Variants in GABRB2 observed in about 807,000 individuals in gnomAD.
GABRB2 encodes gamma-aminobutyric acid type A receptor subunit beta2.
Under a neutral mutation model 54.7 loss-of-function variants are expected in GABRB2, and 16 were observed. That is an observed-to-expected ratio of 0.29 (90% CI 0.20 to 0.44). The LOEUF is 0.44. Ranked by LOEUF, GABRB2 falls within the 20% of genes least tolerant of loss-of-function variation. The pLI is 1.00. For missense variants in GABRB2, 355 were observed against 644.0 expected, an observed-to-expected ratio of 0.55 and a Z score of 4.86; for synonymous variants, 244 against 233.8, an observed-to-expected ratio of 1.04 and a Z score of -0.40.
At chr5:161,427,795 T>C (rs1249606637) in intron 4 of GABRB2, among the ~76,000 whole-genome samples, 1 of 152,192 alleles carries the variant, frequency 6.6e-6, no homozygotes, top group East Asian at 1.9e-4. Flanking sequence ...CAAAATGGTT[T>C]AGGAGTATTC....
chr5:161,475,383 G>A (rs1043716320), intron 3 of GABRB2, among the ~76,000 whole-genome samples: 4 of 151,800 alleles, frequency 2.6e-5, no homozygotes, highest in African/African-American at 9.7e-5. Flanking sequence ...CTTCACTAGT[G>A]AATCTGCCAA....
chr5:161,432,226 C>G (rs1324177251), intron 4 of GABRB2, among the ~76,000 whole-genome samples: 1 of 152,200 alleles, frequency 6.6e-6, no homozygotes, highest in Non-Finnish European at 1.5e-5. Flanking sequence ...GAGTTTGCAA[C>G]CCTGCTCACA....
intron 5 of GABRB2, among the ~76,000 whole-genome samples, chr5:161,349,885 G>A (rs1448713574): frequency 1.3e-5 from 2 of 152,092 alleles, no homozygotes; most frequent in Non-Finnish European, 2.9e-5. Flanking sequence ...GAGAGACCTT[G>A]AGCCAGAATC....
At chr5:161,446,784 T>TAGAC (rs1396953340) in intron 4 of GABRB2, among the ~76,000 whole-genome samples, 1 of 152,140 alleles carries the variant, frequency 6.6e-6, no homozygotes, top group Non-Finnish European at 1.5e-5. Flanking sequence ...CCCTGTGTCT[T>TAGAC]TGACTCCAGA....
chr5:161,516,050 C>T (rs1228798861), intron 3 of GABRB2, among the ~76,000 whole-genome samples: 1 of 150,914 alleles, frequency 6.6e-6, no homozygotes, highest in Non-Finnish European at 1.5e-5. Flanking sequence ...CACTCCTAAG[C>T]CTTGGAGTCT....
intron 3 of GABRB2, among the ~76,000 whole-genome samples, chr5:161,500,151 A>G (rs1392933457): frequency 2.0e-5 from 3 of 152,202 alleles, no homozygotes; most frequent in Non-Finnish European, 4.4e-5. Context: ...AGTCCACTAC[A>G]GAGAATGGCA....
intron 5 of GABRB2, among the ~76,000 whole-genome samples, chr5:161,347,678 T>C (rs1414397399): frequency 6.6e-6 from 1 of 152,118 alleles, no homozygotes; most frequent in Admixed American, 6.6e-5. Flanking sequence ...GATGCATATG[T>C]GAGCCCAGCT....
In GABRB2 at chr5:161,463,551, TTA is replaced by T. The variant is rs1206110160; in HGVS notation, c.238-3709_238-3708del. On this transcript the variant is annotated intron_variant, in intron 3 of 9. Coordinates refer to ENST00000393959, the MANE Select transcript of GABRB2 (RefSeq NM_001371727.1). ...GTTGACAAGGTGATTCCAAATATTT[TTA>T]TTTATATATATATATATATATATAT... Among the ~76,000 whole-genome samples, 175 of 30,244 alleles carry T rather than the reference TTA, an allele frequency of 5.8e-3. 2 individuals are homozygous for T. Among genetic ancestry groups the T allele is most frequent in the African/African-American group, 0.012 (111 of 9,346 alleles). 19.8% of individuals were successfully genotyped at this position (30,244 alleles called of 152,430 possible).
chr5:161,452,230 T>G (rs1295962878), intron 4 of GABRB2, among the ~76,000 whole-genome samples: 3 of 152,162 alleles, frequency 2.0e-5, no homozygotes, highest in African/African-American at 7.2e-5. Flanking sequence ...CTTGAGCAAT[T>G]GAAATATTTT....
intron 5 of GABRB2, among the ~76,000 whole-genome samples, chr5:161,393,655 A>C (rs1353726436): frequency 2.6e-5 from 4 of 152,144 alleles, no homozygotes; most frequent in African/African-American, 9.6e-5. Context: ...ATATTACTAG[A>C]GATAAAAAAG....
chr5:161,467,637 A>C (rs952939498), intron 3 of GABRB2, among the ~76,000 whole-genome samples: 3 of 152,088 alleles, frequency 2.0e-5, no homozygotes, highest in Admixed American at 2.0e-4. Flanking sequence ...CACTTTTCAA[A>C]AATATGACAC....
intron 4 of GABRB2, among the ~76,000 whole-genome samples, chr5:161,449,572 T>TA (rs1417360035): frequency 6.6e-6 from 1 of 152,138 alleles, no homozygotes; most frequent in African/African-American, 2.4e-5. Context: ...AGAGAAAACT[T>TA]AATCATTAAA....
chr5:161,302,540 A>T (rs1757569376), intron 9 of GABRB2, among the ~76,000 whole-genome samples: 1 of 152,170 alleles, frequency 6.6e-6, no homozygotes, highest in Admixed American at 6.5e-5. Context: ...GGGAAATGGG[A>T]CTATCTGAAA....
chr5:161,330,894 C>A lies in GABRB2; in HGVS notation c.1066G>T (p.Asp356Tyr). The change falls in exon 8 of 10, where the codon GAT becomes TAT. Residue 356 changes from aspartate (D) to tyrosine (Y), a missense_variant. Physicochemically the swap from Asp to Tyr is radical, Grantham distance 160. Around this residue, in one of 6 missense-constraint regions of GABRB2, gnomAD observed 201 missense variants for 228.1 expected, o/e 0.88. Transcript: ENST00000393959. Reference protein sequence around the residue: ...ASANNEKMRLDVNKIFYKDIK... With the variant: ...ASANNEKMRLYVNKIFYKDIK... The stretch of plus-strand genomic sequence containing the variant: ...CCCTCTGAATTTACCTTGTTGACAT[C>A]CAGGCGCATCTTCTCATTGTTGGCA... The A allele has an allele frequency of 6.2e-7, 1 of 1,614,206 alleles. No homozygotes were observed. The highest frequency in any genetic ancestry group is 1.1e-5 in the South Asian group (1 of 91,086).
At chr5:161,367,660 A>G (rs57380502) in intron 5 of GABRB2, among the ~76,000 whole-genome samples, 4,602 of 152,278 alleles carry the variant, frequency 0.03, 266 homozygotes, top group African/African-American at 0.1. Context: ...TATATGTTGC[A>G]TCTTCCTCAG....
In GABRB2 at chr5:161,546,555, G is replaced by A. The variant is rs1201621435; in HGVS notation, c.77+12C>T. 2.5e-6 allele frequency: 4 copies of A among 1,591,676 alleles called. No individual in the cohort carries two copies. In the South Asian group the frequency reaches 3.4e-5, roughly 14 times the overall value. ...AGTGAGAACGGAAAAGAGAAACGCT[G>A]GGCACACTTACCTCTGCGCACAGAC... On this transcript the variant is annotated intron_variant, in intron 1 of 9. Coordinates refer to ENST00000393959, the MANE Select transcript of GABRB2 (RefSeq NM_001371727.1).
At chr5:161,395,691 A>C (rs1474177944) in intron 5 of GABRB2, among the ~76,000 whole-genome samples, 1 of 152,128 alleles carries the variant, frequency 6.6e-6, no homozygotes, top group African/African-American at 2.4e-5. Flanking sequence ...TAAGCAAAAA[A>C]GGGAAGAAAA....
At position 161,334,734 on chromosome 5, in the gene GABRB2, A is replaced by G. The variant is rs1753942600; in HGVS notation, c.832+18T>C. 2 of 1,611,656 alleles carry G rather than the reference A, an allele frequency of 1.2e-6. No homozygotes were observed. The highest frequency in any genetic ancestry group is 1.7e-6 in the Non-Finnish European group (2 of 1,178,882). ...ACACACAGAGTCAAAATCCACAAGC[A>G]GTAATAAAATGGCCTACCTAATGCC... is the stretch of plus-strand genomic sequence containing the variant. On this transcript the variant is annotated intron_variant, in intron 7 of 9. Coordinates refer to ENST00000393959, the MANE Select transcript of GABRB2 (RefSeq NM_001371727.1).
At chr5:161,310,094 T>C (rs1244638086) in intron 9 of GABRB2, among the ~76,000 whole-genome samples, 3 of 152,192 alleles carry the variant, frequency 2.0e-5, no homozygotes, top group Non-Finnish European at 2.9e-5. Flanking sequence ...TTCTCATTTA[T>C]AAGTGGTAGC....
Sources: gnomAD v4.1 joint callset for allele counts (sites outside exome capture counted in the v4.1 genomes callset) on GRCh38, gnomAD v4.1.1 for gene constraint, gnomAD v4.1.1 regional missense constraint, MANE v1.5 for transcripts, NCBI Gene and HGNC (gene_info 2026-07-23, HGNC 2026-07-21) for gene names.